The following RBPJL variants were observed in gnomAD, a reference collection of about 807,000 sequenced individuals.
RBPJL encodes recombination signal binding protein for immunoglobulin kappa J region like.
In RBPJL, 50 loss-of-function variants were observed where a neutral mutation model predicts 57.6. The ratio of observed to expected loss-of-function variants is 0.87; its 90% CI spans 0.69 to 1.10. The LOEUF (loss-of-function observed/expected upper bound fraction) is 1.10, where lower values mean the gene tolerates loss of function less well. Ranked by LOEUF, RBPJL falls within the 50% of genes least tolerant of loss-of-function variation. The pLI is 0.00. For missense variants in RBPJL, 684 were observed against 693.7 expected, an observed-to-expected ratio of 0.99 and a Z score of 0.16; for synonymous variants, 303 against 294.4, an observed-to-expected ratio of 1.03 and a Z score of -0.30.
chr20:45,313,403 ACCCTATC>A (rs1987291965), intron 6 of RBPJL, 58 bp from the exon 7 acceptor site: 1 of 1,391,632 alleles, frequency 7.2e-7, no homozygotes, highest in African/African-American at 1.5e-5. Context: ...CCTAACCCTA[ACCCTATC>A]CCCTCACCCT....
chr20:45,313,144 A>T (rs1310206646), intron 6 of RBPJL, among the ~76,000 whole-genome samples: 1 of 152,186 alleles, frequency 6.6e-6, no homozygotes, highest in Non-Finnish European at 1.5e-5. Flanking sequence ...TGCCCAGTGT[A>T]TCTAGGCCTG....
At chr20:45,310,471 G>A (rs575953853) in intron 3 of RBPJL, among the ~76,000 whole-genome samples, 2 of 152,252 alleles carry the variant, frequency 1.3e-5, no homozygotes, top group East Asian at 3.9e-4. Flanking sequence ...GCTGGGCATG[G>A]TGGCGGGCAC....
At chr20:45,312,827 C>CAAAAA (rs749039599) in intron 6 of RBPJL, among the ~76,000 whole-genome samples, 2 of 84,800 alleles carry the variant, frequency 2.4e-5, no homozygotes, top group African/African-American at 4.0e-5. Context: ...TTGTCTGTAC[C>CAAAAA]AAAAAAAAAA....
chr20:45,311,722 C>A (rs1374137889), intron 4 of RBPJL, 63 bp downstream of exon 4: 1 of 1,586,434 alleles, frequency 6.3e-7, no homozygotes, highest in African/African-American at 1.3e-5. Flanking sequence ...AGATTGGGCC[C>A]GAGACGGGGC....
In RBPJL at chr20:45,316,336, C is replaced by A. The variant is rs759499383; in HGVS notation, c.1170C>A (p.Thr390=). The change falls in exon 10 of 12, where the codon ACC becomes ACA. Residue 390 remains threonine, a synonymous_variant. Coordinates refer to ENST00000343694, the MANE Select transcript of RBPJL (RefSeq NM_014276.4). ...TCACTCCGGTGCCTCTCATCAGCAC[C>A]CTAGAGGTGAAGCCGGGCGCTAGGG... The part of the protein sequence containing the change: ...EPVTPVPLIS[T]LELSGGGDVA... 1.5e-5 allele frequency: 24 copies of A among 1,613,532 alleles called. No individual in the cohort carries two copies. In the South Asian group the frequency reaches 2.6e-4, roughly 18 times the overall value.
In RBPJL at chr20:45,316,966, C is replaced by T; in HGVS notation, c.*7C>T. ...CCTCTTCATCCAGACTTAGGCGCGC[C>T]CGGTAGCCCCGGCTGCCCACCCTGG... On this transcript the variant is annotated 3_prime_UTR_variant, in exon 12 of 12. Transcript: ENST00000343694. The T allele has an allele frequency of 6.2e-7, 1 of 1,606,064 alleles. No individual in the cohort carries two copies. Among genetic ancestry groups the T allele is most frequent in the African/African-American group, 1.3e-5 (1 of 74,840 alleles).
At chr20:45,309,153 G>C (rs1453602641) in intron 2 of RBPJL, among the ~76,000 whole-genome samples, 2 of 151,778 alleles carry the variant, frequency 1.3e-5, no homozygotes, top group African/African-American at 4.8e-5. Context: ...CCTTCCCCAG[G>C]GTGGGGAAGC....
rs1402404980 is a variant in RBPJL, at chr20:45,311,604, G to A, written c.273G>A (p.Pro91=). ...ATCTCCGCAGGTTCTTCTGCCCCCC[G>A]CCCTGTGTCTACCTCTCGGGGCCTG... is the stretch of plus-strand genomic sequence containing the variant. ...YGNEKRFFCP[P]PCVYLSGPGW... is the part of the protein sequence containing the mutation. The change falls in exon 4 of 12, where the codon CCG becomes CCA. Residue 91 remains proline (P), a synonymous_variant. Transcript: ENST00000343694. The A allele has an allele frequency of 6.2e-7, 1 of 1,614,156 alleles. No individual in the cohort carries two copies. The highest frequency in any genetic ancestry group is 8.5e-7 in the Non-Finnish European group (1 of 1,180,022).
chr20:45,312,421 G>T (rs1207602953), intron 6 of RBPJL, 26 bp downstream of exon 6: 2 of 1,599,342 alleles, frequency 1.3e-6, no homozygotes, highest in Admixed American at 1.7e-5. Context: ...CCTGACCCCC[G>T]GCCCGGGCGG....
At chr20:45,309,435 A>G in intron 2 of RBPJL, 132 bp from the exon 3 acceptor site, 1 of 911,972 alleles carries the variant, frequency 1.1e-6, no homozygotes, top group Non-Finnish European at 1.6e-6. Context: ...GGCAGGATAT[A>G]GAGCAGCCCC....
chr20:45,314,373 G>T, intron 8 of RBPJL, 40 bp from the exon 9 acceptor site: 1 of 1,596,168 alleles, frequency 6.3e-7, no homozygotes, highest in Non-Finnish European at 8.6e-7. Flanking sequence ...GGACGCCCGG[G>T]CTCCTTGCCA....
chr20:45,307,390 A>G (rs1447346694), intron 1 of RBPJL, among the ~76,000 whole-genome samples: 1 of 152,124 alleles, frequency 6.6e-6, no homozygotes, highest in Admixed American at 6.5e-5. Flanking sequence ...TGGTAGAAGA[A>G]CATAAATCCT....
Position 45,312,365 on chromosome 20 carries a change from CAGA to C in RBPJL, c.595_597del (p.Lys199del). Reference sequence around the variant, plus strand: ...TATCAAGGTCATCTCGAAGCCCTCGCAGAAGAAGCAGTCGCTGAAAAACACCGA... The same window carrying C: ...TATCAAGGTCATCTCGAAGCCCTCGCAGAAGCAGTCGCTGAAAAACACCGA... On this transcript the variant is annotated inframe_deletion, in exon 6 of 12. Transcript: ENST00000343694. 1.9e-6 allele frequency: 3 copies of C among 1,614,062 alleles called. No individual in the cohort carries two copies. The highest frequency in any genetic ancestry group is 1.7e-6 in the Non-Finnish European group (2 of 1,180,012).
chr20:45,309,555 C>T lies in RBPJL; in HGVS notation c.132-12C>T. The T allele has an allele frequency of 6.2e-7, 1 of 1,601,630 alleles. No homozygotes were observed. Among genetic ancestry groups the T allele is most frequent in the Non-Finnish European group, 8.5e-7 (1 of 1,173,616 alleles). ...CTCCTGTGGCTGGTCGACCTGCCTG[C>T]CCTACTCCCAGGTCATCCCCAGAGC... On this transcript the variant is annotated splice_polypyrimidine_tract_variant and intron_variant, in intron 2 of 11. Coordinates refer to ENST00000343694, the MANE Select transcript of RBPJL (RefSeq NM_014276.4).
chr20:45,314,049 G>A lies in RBPJL; in HGVS notation c.772G>A (p.Ala258Thr). The change falls in exon 8 of 12, where the codon GCC (alanine) becomes ACC (threonine). Residue 258 changes from alanine to threonine, a missense_variant. By Grantham distance (58) the Ala-to-Thr change is moderately conservative. Coordinates refer to ENST00000343694, the MANE Select transcript of RBPJL (RefSeq NM_014276.4). ...TTGTCCCCCAGCTGATGGGCACTCTGCCCAAGGAGACTTCCCACCGCGAGA... is the reference window on the plus strand; with the variant it reads ...TTGTCCCCCAGCTGATGGGCACTCTACCCAAGGAGACTTCCCACCGCGAGA... ...FTLHLADGHS[A>T]QGDFPPREGY... 1 of 1,613,756 alleles carries A rather than the reference G, an allele frequency of 6.2e-7. No individual in the cohort carries two copies. Among genetic ancestry groups the A allele is most frequent in the South Asian group, 1.1e-5 (1 of 91,064 alleles).
chr20:45,313,566 G>A lies in RBPJL; in HGVS notation c.718G>A (p.Ala240Thr). 2 of 1,613,768 alleles carry A rather than the reference G, an allele frequency of 1.2e-6. No homozygotes were observed. Among genetic ancestry groups the A allele is most frequent in the Non-Finnish European group, 1.7e-6 (2 of 1,179,878 alleles). Residue 240 changes from alanine (A) to threonine (T), a missense_variant, in exon 7 of 12, where the codon GCC (alanine) becomes ACC (threonine). Coordinates refer to ENST00000343694, the MANE Select transcript of RBPJL (RefSeq NM_014276.4). Reference sequence around the variant, plus strand: ...CTCTGTGGAGGATGGGGCCTTTGTGGCCAGTGCACGACAGTGGGCTGCCTT... The same window carrying A: ...CTCTGTGGAGGATGGGGCCTTTGTGACCAGTGCACGACAGTGGGCTGCCTT... ...YLSVEDGAFV[A>T]SARQWAAFTL...
rs1052398347 is a variant in RBPJL at position 45,308,238 on chromosome 20, G to A, written c.118G>A (p.Gly40Ser). The A allele has an allele frequency of 2.5e-6, 4 of 1,613,032 alleles. No homozygotes were observed. In the African/African-American group the frequency reaches 5.3e-5, roughly 22 times the overall value. ...QSEADRRSLP[G>S]TWTRSSPEHT... ...CGAAGCCGACAGGCGGAGCCTCCCG[G>A]GCACTTGGACCAGGTAACGGCGGCG... is the stretch of plus-strand genomic sequence containing the variant. The change falls in exon 2 of 12, where the codon GGC becomes AGC. Residue 40 changes from glycine to serine, a missense_variant. By Grantham distance (56) the Gly-to-Ser change is moderately conservative. Coordinates refer to ENST00000343694, the MANE Select transcript of RBPJL (RefSeq NM_014276.4).
chr20:45,316,794 C>T lies in RBPJL; in HGVS notation c.1389C>T (p.Asp463=), dbSNP rs1428571428. 2.5e-6 allele frequency: 4 copies of T among 1,613,798 alleles called. No homozygotes were observed. The highest frequency in any genetic ancestry group is 1.3e-5 in the African/African-American group (1 of 74,914). The change falls in exon 12 of 12, where the codon GAC becomes GAT. Residue 463 remains aspartate, a synonymous_variant. Transcript: ENST00000343694. ...TCCCCATGAGCCTGGTGCGCGCCGA[C>T]GGGCTCTTCTACCCTAGTGCCTTCT... ...ITIPMSLVRA[D]GLFYPSAFSF...
At chr20:45,307,560 C>T (rs1357259268) in intron 1 of RBPJL, among the ~76,000 whole-genome samples, 1 of 152,232 alleles carries the variant, frequency 6.6e-6, no homozygotes, top group Non-Finnish European at 1.5e-5. Flanking sequence ...ACCTCCCATA[C>T]TTTCCTACCC....
Sources: gnomAD v4.1 joint callset for allele counts (sites outside exome capture counted in the v4.1 genomes callset) on GRCh38, gnomAD v4.1.1 for gene constraint, MANE v1.5 for transcripts, NCBI Gene and HGNC (gene_info 2026-07-23, HGNC 2026-07-21) for gene names.